The following RPS6KC1 variants were observed in gnomAD, a reference collection of about 807,000 sequenced individuals.
RPS6KC1 encodes the protein ribosomal protein S6 kinase C1.
In RPS6KC1, 54 loss-of-function variants were observed where a neutral mutation model predicts 103.8. That is an observed-to-expected ratio of 0.52 (90% CI 0.42 to 0.65). RPS6KC1 has a LOEUF of 0.65. Ranked by LOEUF, RPS6KC1 falls within the 30% of genes least tolerant of loss-of-function variation. The probability of loss-of-function intolerance (pLI) is 0.00; values close to 1 mark genes in which losing one functional copy is unlikely to be tolerated. For missense variants in RPS6KC1, 1,151 were observed against 1,253.8 expected (o/e 0.92, Z 1.24); for synonymous variants, 439 against 438.7 (o/e 1.00, Z -0.01).
At chr1:213,394,918 G>C in the RPS6KC1 span, among the ~76,000 whole-genome samples, 1 of 152,336 alleles carries the variant, frequency 6.6e-6, no homozygotes, top group East Asian at 1.9e-4. Flanking sequence ...TCATGCTGAG[G>C]CTCAGGGCAC....
the RPS6KC1 span, among the ~76,000 whole-genome samples, chr1:213,386,238 A>G: frequency 2.0e-5 from 3 of 152,020 alleles, no homozygotes; most frequent in East Asian, 5.8e-4. Flanking sequence ...CACTCTCCCT[A>G]TGAGTGGAAG....
chr1:213,284,530 T>C, the RPS6KC1 span, among the ~76,000 whole-genome samples: 1 of 150,376 alleles, frequency 6.6e-6, no homozygotes, highest in South Asian at 2.1e-4. Context: ...AAAAAGTGAA[T>C]AAATACAACA....
the RPS6KC1 span, among the ~76,000 whole-genome samples, chr1:213,847,631 G>A: frequency 3.3e-5 from 5 of 152,160 alleles, no homozygotes; most frequent in African/African-American, 9.7e-5. Context: ...AGTGTGCAGA[G>A]GGTTCCTTTG....
At chr1:213,304,831 A>G in the RPS6KC1 span, among the ~76,000 whole-genome samples, 1 of 152,130 alleles carries the variant, frequency 6.6e-6, no homozygotes, top group Non-Finnish European at 1.5e-5. Context: ...GTGAGCCAGC[A>G]TGCCCAGCAA....
chr1:213,813,526 T>C, the RPS6KC1 span, among the ~76,000 whole-genome samples: 1 of 152,204 alleles, frequency 6.6e-6, no homozygotes, highest in African/African-American at 2.4e-5. Flanking sequence ...TTAATTTGCA[T>C]CCTAATGCAA....
chr1:213,150,768 T>C (rs909133146), intron 6 of RPS6KC1, among the ~76,000 whole-genome samples: 10 of 152,302 alleles, frequency 6.6e-5, no homozygotes, highest in East Asian at 3.9e-4. Flanking sequence ...CCACCTTTCC[T>C]GCCTTTCTAT....
the RPS6KC1 span, among the ~76,000 whole-genome samples, chr1:213,610,445 C>T: frequency 3.3e-5 from 5 of 152,072 alleles, no homozygotes; most frequent in Non-Finnish European, 7.4e-5. Context: ...GGAAACGAGT[C>T]GTCTGTTTGC....
the RPS6KC1 span, among the ~76,000 whole-genome samples, chr1:213,764,591 C>A: frequency 6.6e-6 from 1 of 152,188 alleles, no homozygotes; most frequent in Admixed American, 6.5e-5. Flanking sequence ...GATACCATTC[C>A]AGCTGGCATT....
chr1:213,400,872 A>G, the RPS6KC1 span, among the ~76,000 whole-genome samples: 1 of 151,850 alleles, frequency 6.6e-6, no homozygotes, highest in Admixed American at 6.6e-5. Context: ...GTGCCTGGCT[A>G]ACTTTTGTAT....
chr1:213,440,593 T>TGA, the RPS6KC1 span, among the ~76,000 whole-genome samples: 1 of 100,384 alleles, frequency 1.0e-5, no homozygotes, highest in Non-Finnish European at 1.9e-5. Flanking sequence ...TTAATGGAAC[T>TGA]AAAAAAAAAA....
chr1:213,771,904 T>C, the RPS6KC1 span, among the ~76,000 whole-genome samples: 1 of 152,152 alleles, frequency 6.6e-6, no homozygotes, highest in Admixed American at 6.5e-5. Flanking sequence ...TGAACGATGA[T>C]GAACATTCAA....
chr1:213,570,670 G>A, the RPS6KC1 span, among the ~76,000 whole-genome samples: 1 of 152,150 alleles, frequency 6.6e-6, no homozygotes, highest in Admixed American at 6.6e-5. Flanking sequence ...GTCACCCAGG[G>A]CAGTTGTCCA....
chr1:213,434,762 G>A, the RPS6KC1 span, among the ~76,000 whole-genome samples: 3 of 150,708 alleles, frequency 2.0e-5, no homozygotes, highest in Non-Finnish European at 4.4e-5. Flanking sequence ...GGCTATCTTT[G>A]TTTCTCTATA....
chr1:213,303,927 C>T, the RPS6KC1 span, among the ~76,000 whole-genome samples: 1 of 151,616 alleles, frequency 6.6e-6, no homozygotes, highest in Non-Finnish European at 1.5e-5. Context: ...TGCTTGAGGC[C>T]GGGCGCGGTG....
chr1:213,182,165 A>G (rs959115917), intron 8 of RPS6KC1, among the ~76,000 whole-genome samples: 2 of 152,150 alleles, frequency 1.3e-5, no homozygotes, highest in Non-Finnish European at 2.9e-5. Context: ...AACTAGAGCA[A>G]CCACTAAAAA....
chr1:213,391,963 G>A, the RPS6KC1 span, among the ~76,000 whole-genome samples: 1 of 152,168 alleles, frequency 6.6e-6, no homozygotes, highest in East Asian at 1.9e-4. Flanking sequence ...AGGGCAGGAA[G>A]CTGGGCTGCA....
At chr1:213,421,457 T>G in the RPS6KC1 span, among the ~76,000 whole-genome samples, 1 of 152,222 alleles carries the variant, frequency 6.6e-6, no homozygotes, top group Non-Finnish European at 1.5e-5. Context: ...ATCCTAATAG[T>G]CTGTCTCTTC....
At chr1:213,104,680 G>A in intron 4 of RPS6KC1, 111 bp downstream of exon 4, 2 of 470,430 alleles carry the variant, frequency 4.3e-6, no homozygotes, top group Non-Finnish European at 3.8e-6. Context: ...TATAAAAGTA[G>A]AAATTAATAG....
intron 12 of RPS6KC1, among the ~76,000 whole-genome samples, chr1:213,248,784 A>G (rs1013196730): frequency 2.0e-5 from 3 of 152,172 alleles, no homozygotes; most frequent in Non-Finnish European, 4.4e-5. Flanking sequence ...CCAGAATGCG[A>G]TTTGTCTCTA....
Sources: gnomAD v4.1 joint callset for allele counts (sites outside exome capture counted in the v4.1 genomes callset) on GRCh38, gnomAD v4.1.1 for gene constraint, MANE v1.5 for transcripts, NCBI Gene and HGNC (gene_info 2026-07-23, HGNC 2026-07-21) for gene names.